CMSS1: variants seen among roughly 807,000 people sequenced by gnomAD.
CMSS1 encodes the protein protein CMSS1.
Under a neutral mutation model 43.5 loss-of-function variants are expected in CMSS1, and 33 were observed. The observed-to-expected ratio is 0.76, with a 90% CI of 0.57 to 1.01. The LOEUF (loss-of-function observed/expected upper bound fraction) is 1.01. CMSS1 is among the 50% of genes least tolerant of loss of function. The probability of loss-of-function intolerance (pLI) is 0.00; values close to 1 mark genes in which losing one functional copy is unlikely to be tolerated. For missense variants in CMSS1, 313 were observed against 326.4 expected (o/e 0.96, Z 0.32); for synonymous variants, 115 against 117.2 (o/e 0.98, Z 0.12).
chr3:99,976,151 C>T (rs1466224895), intron 1 of CMSS1, among the ~76,000 whole-genome samples: 1 of 152,124 alleles, frequency 6.6e-6, no homozygotes, highest in Non-Finnish European at 1.5e-5. Flanking sequence ...TCCCAAAGTA[C>T]TCATAAGCCA....
chr3:100,037,594 A>G (rs947576227), intron 1 of CMSS1, among the ~76,000 whole-genome samples: 16 of 152,238 alleles, frequency 1.1e-4, no homozygotes, highest in African/African-American at 3.6e-4. Context: ...AAATCCTTTT[A>G]GCAATCTTTA....
chr3:100,052,729 G>A (rs540631017), intron 1 of CMSS1, among the ~76,000 whole-genome samples: 1 of 152,226 alleles, frequency 6.6e-6, no homozygotes, highest in East Asian at 1.9e-4. Flanking sequence ...AAGGCAAGGT[G>A]GAAGGTACCT....
chr3:100,155,715 A>C (rs1347043028), intron 2 of CMSS1, among the ~76,000 whole-genome samples: 1 of 152,196 alleles, frequency 6.6e-6, no homozygotes, highest in African/African-American at 2.4e-5. Flanking sequence ...TTGAGACTTC[A>C]TATTTGAATA....
intron 9 of CMSS1, among the ~76,000 whole-genome samples, chr3:100,177,728 T>A (rs1012088778): frequency 1.3e-5 from 2 of 152,232 alleles, no homozygotes; most frequent in African/African-American, 4.8e-5. Flanking sequence ...ACACCTGTAA[T>A]CCTAGTGCTT....
At chr3:99,912,882 G>C (rs1294387538) in intron 1 of CMSS1, among the ~76,000 whole-genome samples, 2 of 152,168 alleles carry the variant, frequency 1.3e-5, no homozygotes, top group Non-Finnish European at 2.9e-5. Context: ...TAGAATTGCT[G>C]AGTTGTATGG....
intron 1 of CMSS1, among the ~76,000 whole-genome samples, chr3:99,840,327 G>A (rs766682232): frequency 1.8e-4 from 27 of 148,652 alleles, no homozygotes; most frequent in Non-Finnish European, 3.0e-4. Flanking sequence ...GGGTTGAAGC[G>A]ATTCTCCTGC....
In CMSS1 at chr3:100,085,964, T is replaced by C. The variant is rs181228428; in HGVS notation, c.65-61009T>C. 2.9e-4 allele frequency among the ~76,000 whole-genome samples: 44 copies of C among 152,342 alleles called. No homozygotes were observed. In the East Asian group the frequency reaches 8.5e-3, roughly 29 times the overall value. On this transcript the variant is annotated intron_variant, in intron 1 of 9. Transcript: ENST00000421999. ...AGGTCACCACTTTTAATATAGAGGG[T>C]CATGAGTTTAGTCATTGGACAAGTT...
chr3:99,947,764 T>C (rs886886363), intron 1 of CMSS1, among the ~76,000 whole-genome samples: 15 of 152,248 alleles, frequency 9.9e-5, no homozygotes, highest in Non-Finnish European at 2.1e-4. Context: ...GCATGTATAC[T>C]GCTGGGGTAG....
At chr3:100,117,854 C>A (rs9884101) in intron 1 of CMSS1, among the ~76,000 whole-genome samples, 7 of 90,732 alleles carry the variant, frequency 7.7e-5, no homozygotes, top group East Asian at 3.8e-4. Context: ...TATATATATA[C>A]ATATATATAT....
chr3:99,867,266 A>G, intron 1 of CMSS1, among the ~76,000 whole-genome samples: 1 of 152,126 alleles, frequency 6.6e-6, no homozygotes, highest in Non-Finnish European at 1.5e-5. Context: ...TATCTATGTG[A>G]GAAATGTTCT....
chr3:99,871,474 C>T (rs1944783427), intron 1 of CMSS1, among the ~76,000 whole-genome samples: 1 of 152,068 alleles, frequency 6.6e-6, no homozygotes, highest in Admixed American at 6.5e-5. Flanking sequence ...GTTTATAGTC[C>T]AAGAGACAGA....
intron 1 of CMSS1, among the ~76,000 whole-genome samples, chr3:99,979,540 A>G (rs1435539444): frequency 6.6e-6 from 1 of 152,204 alleles, no homozygotes; most frequent in Non-Finnish European, 1.5e-5. Flanking sequence ...GATTTTTTTA[A>G]AGACTTGTTC....
At position 100,015,425 on chromosome 3, in the gene CMSS1, A is replaced by G. The variant is rs190897203; in HGVS notation, c.65-131548A>G. On this transcript the variant is annotated intron_variant, in intron 1 of 9. Coordinates refer to ENST00000421999, the MANE Select transcript of CMSS1 (RefSeq NM_032359.4). ...TTTTTCTATTTCTGTGAAAAATCTCATTAGAATTTTGATAGGTATTGCATT... is the reference window on the plus strand; with the variant it reads ...TTTTTCTATTTCTGTGAAAAATCTCGTTAGAATTTTGATAGGTATTGCATT... Among the ~76,000 whole-genome samples the G allele has an allele frequency of 1.1e-4, 17 of 152,320 alleles. No homozygotes were observed. In the East Asian group the frequency reaches 3.3e-3, roughly 29 times the overall value.
At chr3:99,908,491 T>G (rs1706691851) in intron 1 of CMSS1, among the ~76,000 whole-genome samples, 1 of 152,156 alleles carries the variant, frequency 6.6e-6, no homozygotes, top group Non-Finnish European at 1.5e-5. Context: ...TTTAAGTGTC[T>G]CCCCAGGCAA....
intron 1 of CMSS1, among the ~76,000 whole-genome samples, chr3:100,074,911 C>G (rs1457419307): frequency 6.6e-6 from 1 of 151,748 alleles, no homozygotes; most frequent in Non-Finnish European, 1.5e-5. Flanking sequence ...CCAGGCTGGT[C>G]TCGAACTCCT....
intron 1 of CMSS1, among the ~76,000 whole-genome samples, chr3:99,960,071 C>G (rs1446336619): frequency 6.6e-6 from 1 of 152,102 alleles, no homozygotes; most frequent in Non-Finnish European, 1.5e-5. Flanking sequence ...CATTATGCCT[C>G]TCAATGTTAT....
chr3:100,016,690 A>G (rs1710351269), intron 1 of CMSS1, among the ~76,000 whole-genome samples: 2 of 152,360 alleles, frequency 1.3e-5, no homozygotes, highest in South Asian at 4.1e-4. Context: ...TGCAATTCAT[A>G]AACTGGCTGC....
At chr3:99,830,109 T>A (rs2107482618) in intron 1 of CMSS1, 1 of 174,618 alleles carries the variant, frequency 5.7e-6, no homozygotes, top group East Asian at 1.4e-4. Flanking sequence ...TGAACTGTTC[T>A]AGTGAATTCA....
chr3:99,958,161 CTGCAGCTA>C (rs1362549813), intron 1 of CMSS1, among the ~76,000 whole-genome samples: 7 of 148,706 alleles, frequency 4.7e-5, no homozygotes, highest in African/African-American at 2.5e-5. Flanking sequence ...TGGTGGTTTG[CTGCAGCTA>C]TCAACCCATC....
Sources: gnomAD v4.1 joint callset for allele counts (sites outside exome capture counted in the v4.1 genomes callset) on GRCh38, gnomAD v4.1.1 for gene constraint, MANE v1.5 for transcripts, NCBI Gene and HGNC (gene_info 2026-07-23, HGNC 2026-07-21) for gene names.